CLTRN: variants seen among roughly 807,000 people sequenced by gnomAD.
CLTRN encodes collectrin.
CLTRN carries 12 observed loss-of-function variants against 14.5 expected under a neutral mutation model. That is an observed-to-expected ratio of 0.83 (90% CI 0.53 to 1.34). CLTRN has a LOEUF of 1.34. CLTRN is among the 40% of genes most tolerant of loss of function. CLTRN has a pLI of 0.00. For synonymous variants in CLTRN, 58 were observed against 56.5 expected (o/e 1.03, Z -0.12); for missense variants, 154 against 165.1 (o/e 0.93, Z 0.37).
At chrX:15,650,692 C>T (rs1165180832) in intron 3 of CLTRN, among the ~76,000 whole-genome samples, 3 of 111,962 alleles carry the variant, frequency 2.7e-5, no homozygotes, top group South Asian at 3.7e-4. Flanking sequence ...ATATGTAACT[C>T]GTCTCAAGAT....
chrX:15,661,461 A>C (rs1231273597), intron 2 of CLTRN, among the ~76,000 whole-genome samples: 2 of 112,404 alleles, frequency 1.8e-5, no homozygotes, highest in African/African-American at 3.2e-5. Flanking sequence ...GTATCCTGCC[A>C]GTGGAACCAA....
At chrX:15,640,855 A>C (rs1410282080) in intron 4 of CLTRN, among the ~76,000 whole-genome samples, 5 of 112,365 alleles carry the variant, frequency 4.4e-5, no homozygotes, top group Non-Finnish European at 9.4e-5. Context: ...AGGGTGACAG[A>C]TCAGTAGATC....
chrX:15,656,998 C>A (rs4830543), intron 3 of CLTRN, among the ~76,000 whole-genome samples: 33,680 of 108,556 alleles, frequency 0.31, 3,906 homozygotes, highest in East Asian at 0.42. Context: ...TCCTGTGTAC[C>A]CAATTTTTTT....
intron 3 of CLTRN, among the ~76,000 whole-genome samples, chrX:15,645,598 C>T (rs977662120): frequency 8.9e-6 from 1 of 112,252 alleles, no homozygotes; most frequent in African/African-American, 3.2e-5. Context: ...CTTGAACAAA[C>T]CTCCAACTTA....
At chrX:15,675,642 A>C (rs1232791842), upstream of CLTRN, 1 of 111,987 alleles carries the variant, frequency 8.9e-6, no homozygotes, top group Non-Finnish European at 1.9e-5. Context: ...CAGAATGGGG[A>C]CTGATAGGGG....
chrX:15,638,644 G>A (rs1398389633), intron 5 of CLTRN, among the ~76,000 whole-genome samples: 1 of 111,857 alleles, frequency 8.9e-6, no homozygotes, highest in East Asian at 2.8e-4. Flanking sequence ...GTGAAAAGCT[G>A]AGGATTTTTC....
At chrX:15,646,030 TTC>T (rs1481171977) in intron 3 of CLTRN, 2 of 117,005 alleles carry the variant, frequency 1.7e-5, no homozygotes, top group Middle Eastern at 4.1e-3. Flanking sequence ...TTCTTCTATG[TTC>T]TGTTTTTAAA....
intron 1 of CLTRN, among the ~76,000 whole-genome samples, chrX:15,673,666 G>A (rs185658407): frequency 6.4e-4 from 72 of 112,501 alleles, no homozygotes; most frequent in African/African-American, 2.3e-3. Flanking sequence ...GCTCAATATT[G>A]TGAAAGTTCC....
intron 2 of CLTRN, among the ~76,000 whole-genome samples, chrX:15,660,775 C>G (rs1439655618): frequency 9.2e-6 from 1 of 108,540 alleles, no homozygotes; most frequent in Non-Finnish European, 1.9e-5. Context: ...CCACTGCACT[C>G]CAGCCTGGAT....
At chrX:15,659,444 C>A (rs758794435) in intron 2 of CLTRN, among the ~76,000 whole-genome samples, 82 of 111,203 alleles carry the variant, frequency 7.4e-4, no homozygotes, top group Non-Finnish European at 1.3e-3. Flanking sequence ...TCTTTTCCCT[C>A]ATAAACTCCC....
intron 1 of CLTRN, among the ~76,000 whole-genome samples, chrX:15,673,265 TTA>T (rs1372575414): frequency 8.9e-6 from 1 of 112,717 alleles, no homozygotes. Flanking sequence ...CTATGGAAGC[TTA>T]GAGTGAGATC....
At chrX:15,656,732 T>C (rs1929374058) in intron 3 of CLTRN, among the ~76,000 whole-genome samples, 1 of 111,197 alleles carries the variant, frequency 9.0e-6, no homozygotes, top group Non-Finnish European at 1.9e-5. Flanking sequence ...AATATGGCAG[T>C]GCATGTGGAA....
chrX:15,654,292 G>C (rs1406140181), intron 3 of CLTRN, among the ~76,000 whole-genome samples: 1 of 112,735 alleles, frequency 8.9e-6, no homozygotes, highest in Non-Finnish European at 1.9e-5. Context: ...CTCAGAAAGA[G>C]AAAGCCTTGC....
intron 3 of CLTRN, 55 bp downstream of exon 3, chrX:15,658,961 A>G: frequency 1.5e-6 from 1 of 656,511 alleles, no homozygotes; most frequent in Non-Finnish European, 2.4e-6. Context: ...GAAATAATGC[A>G]CTATCTCAAA....
chrX:15,633,046 T>C (rs1928739102), intron 5 of CLTRN, among the ~76,000 whole-genome samples: 1 of 110,667 alleles, frequency 9.0e-6, no homozygotes, highest in Non-Finnish European at 1.9e-5. Context: ...TGGGGGTAAA[T>C]AGGGTTACTG....
intron 2 of CLTRN, among the ~76,000 whole-genome samples, chrX:15,660,451 C>G (rs1185258329): frequency 1.8e-5 from 2 of 110,203 alleles, no homozygotes; most frequent in Admixed American, 2.0e-4. Context: ...GTTGCTTCTT[C>G]CACTTCACCA....
At chrX:15,671,811 T>A (rs929155367) in intron 1 of CLTRN, among the ~76,000 whole-genome samples, 4 of 108,540 alleles carry the variant, frequency 3.7e-5, no homozygotes, top group Admixed American at 1.0e-4. Flanking sequence ...ACAGATGATG[T>A]TACAATCTTT....
upstream of CLTRN, among the ~76,000 whole-genome samples, chrX:15,669,438 A>T (rs1170523578): frequency 8.9e-6 from 1 of 112,307 alleles, no homozygotes; most frequent in African/African-American, 3.2e-5. Flanking sequence ...AGTTTAGAGC[A>T]TGTAGATTTA....
upstream of CLTRN, among the ~76,000 whole-genome samples, chrX:15,666,031 T>C (rs1165248832): frequency 1.8e-5 from 2 of 111,660 alleles, no homozygotes; most frequent in Non-Finnish European, 3.8e-5. Flanking sequence ...GAGCTAAACA[T>C]TGAGTACACA....
Sources: allele counts gnomAD v4.1 joint callset (sites outside exome capture counted in the v4.1 genomes callset), GRCh38; gene constraint gnomAD v4.1.1; transcripts MANE v1.5; gene names NCBI Gene and HGNC (gene_info 2026-07-23, HGNC 2026-07-21).